Variants in STK32B observed in about 807,000 individuals in gnomAD.
The protein encoded by STK32B is serine/threonine-protein kinase 32B.
Under a neutral mutation model 52.6 loss-of-function variants are expected in STK32B, and 43 were observed. That is an observed-to-expected ratio of 0.82 (90% CI 0.64 to 1.05). The LOEUF (loss-of-function observed/expected upper bound fraction) is 1.05. Among genes scored for constraint, STK32B ranks in the 50% least tolerant of loss-of-function variants. The pLI, the probability that STK32B is intolerant of heterozygous loss-of-function variation, is 0.00. For missense variants in STK32B, 621 were observed against 534.6 expected (o/e 1.16, Z -1.59); for synonymous variants, 238 against 204.3 (o/e 1.17, Z -1.41).
At chr4:5,019,625 G>C in the STK32B span, among the ~76,000 whole-genome samples, 1 of 152,222 alleles carries the variant, frequency 6.6e-6, no homozygotes, top group Admixed American at 6.5e-5. Context: ...TCTCAGACAC[G>C]AAAGCCCCAG....
chr4:5,219,818 C>T (rs1381201905), intron 3 of STK32B, among the ~76,000 whole-genome samples: 1 of 152,214 alleles, frequency 6.6e-6, no homozygotes, highest in Non-Finnish European at 1.5e-5. Context: ...TACGTTGGCC[C>T]TCAGGATCTG....
chr4:5,405,469 G>A (rs1737594627), intron 5 of STK32B, among the ~76,000 whole-genome samples: 1 of 152,154 alleles, frequency 6.6e-6, no homozygotes, highest in African/African-American at 2.4e-5. Context: ...TAATCCCCAA[G>A]GTGATGGTGT....
chr4:5,282,482 C>T (rs1268238529), intron 3 of STK32B, among the ~76,000 whole-genome samples: 2 of 152,144 alleles, frequency 1.3e-5, no homozygotes, highest in Admixed American at 1.3e-4. Context: ...ATTATACAAT[C>T]TACTGTAATA....
At chr4:5,486,088 G>T (rs1024357811) in intron 11 of STK32B, among the ~76,000 whole-genome samples, 12 of 152,142 alleles carry the variant, frequency 7.9e-5, no homozygotes, top group African/African-American at 2.9e-4. Flanking sequence ...GCTGCGTGCT[G>T]GGAGGACCAC....
At chr4:5,191,430 T>G (rs1721193502) in intron 3 of STK32B, among the ~76,000 whole-genome samples, 1 of 152,106 alleles carries the variant, frequency 6.6e-6, no homozygotes, top group African/African-American at 2.4e-5. Flanking sequence ...TTTGTTGTAT[T>G]TTTTTAGTAG....
chr4:5,219,518 G>A (rs1230952545), intron 3 of STK32B, among the ~76,000 whole-genome samples: 1 of 152,260 alleles, frequency 6.6e-6, no homozygotes, highest in East Asian at 1.9e-4. Flanking sequence ...AAGACAGACA[G>A]CAGAGGGTCA....
the STK32B span, among the ~76,000 whole-genome samples, chr4:5,025,253 G>A: frequency 2.6e-5 from 4 of 152,174 alleles, no homozygotes; most frequent in Non-Finnish European, 4.4e-5. Context: ...ACAGTGAGAC[G>A]ACCCCCACCT....
At chr4:5,063,273 C>T (rs372405886) in intron 1 of STK32B, among the ~76,000 whole-genome samples, 31 of 152,244 alleles carry the variant, frequency 2.0e-4, no homozygotes, top group Admixed American at 7.9e-4. Flanking sequence ...GTGACTCAGT[C>T]GACAAATGTG....
rs375650337 is a variant in STK32B at position 5,285,537 on chromosome 4, G to A, written c.261-45683G>A. Reference sequence around the variant, plus strand: ...AATTATAGTACAAATTGACTGCACAGCAAAAGGAATTTTTTAGGATCCTGA... The same window carrying A: ...AATTATAGTACAAATTGACTGCACAACAAAAGGAATTTTTTAGGATCCTGA... On this transcript the variant is annotated intron_variant, in intron 3 of 11. Coordinates refer to ENST00000282908, the MANE Select transcript of STK32B (RefSeq NM_018401.3). Among the ~76,000 whole-genome samples the A allele has an allele frequency of 3.9e-5, 6 of 152,270 alleles. No individual in the cohort carries two copies. In the East Asian group the frequency reaches 5.8e-4, roughly 15 times the overall value.
intron 4 of STK32B, among the ~76,000 whole-genome samples, chr4:5,341,402 A>G (rs1485565999): frequency 2.0e-5 from 3 of 152,190 alleles, no homozygotes; most frequent in African/African-American, 7.2e-5. Flanking sequence ...TTATTCATGG[A>G]TACCCAAAAC....
At chr4:5,415,788 T>C (rs1012167594) in intron 5 of STK32B, among the ~76,000 whole-genome samples, 2 of 152,178 alleles carry the variant, frequency 1.3e-5, no homozygotes, top group African/African-American at 4.8e-5. Flanking sequence ...GCTGGTGCTT[T>C]TTTTGTCCAC....
At chr4:5,287,326 C>T (rs28539232) in intron 3 of STK32B, among the ~76,000 whole-genome samples, 11,157 of 152,138 alleles carry the variant, frequency 0.073, 440 homozygotes, top group South Asian at 0.099. Flanking sequence ...AGAGGTATCA[C>T]ATTTTCATTT....
chr4:5,028,413 A>G, the STK32B span, among the ~76,000 whole-genome samples: 1 of 152,208 alleles, frequency 6.6e-6, no homozygotes. Context: ...GCCAGGATTG[A>G]GTTTCCCTGT....
At chr4:5,147,058 C>T (rs1716968417) in intron 2 of STK32B, among the ~76,000 whole-genome samples, 2 of 151,908 alleles carry the variant, frequency 1.3e-5, no homozygotes, top group Non-Finnish European at 2.9e-5. Flanking sequence ...CTTTATTTAT[C>T]TCTATTTTTA....
In STK32B at chr4:5,343,914, G is replaced by T. The variant is rs543227449; in HGVS notation, c.434+12521G>T. On this transcript the variant is annotated intron_variant, in intron 4 of 11. Transcript: ENST00000282908. ...ATGTTATGTTAAAAATTTCTCTTAA[G>T]TTTTGCATTCTACTCCGTTATGTAG... Among the ~76,000 whole-genome samples the T allele has an allele frequency of 2.0e-5, 3 of 152,248 alleles. No homozygotes were observed. The South Asian group carries it at 6.2e-4, about 32-fold the overall frequency.
chr4:5,093,603 C>T (rs562775188), intron 1 of STK32B, among the ~76,000 whole-genome samples: 1 of 152,020 alleles, frequency 6.6e-6, no homozygotes, highest in Non-Finnish European at 1.5e-5. Flanking sequence ...AGGAGATATA[C>T]CTAATGTTAA....
At chr4:5,362,507 A>G (rs1560353091) in intron 4 of STK32B, among the ~76,000 whole-genome samples, 1 of 152,198 alleles carries the variant, frequency 6.6e-6, no homozygotes, top group Non-Finnish European at 1.5e-5. Flanking sequence ...GGCACTTTGT[A>G]CAAGAAATTA....
chr4:5,374,074 AG>A (rs1466983581), intron 4 of STK32B, among the ~76,000 whole-genome samples: 1 of 152,228 alleles, frequency 6.6e-6, no homozygotes, highest in African/African-American at 2.4e-5. Context: ...AGAGGGGAGA[AG>A]GCCATGTGAA....
intron 3 of STK32B, among the ~76,000 whole-genome samples, chr4:5,263,556 C>T (rs1202071666): frequency 6.6e-6 from 1 of 152,224 alleles, no homozygotes; most frequent in African/African-American, 2.4e-5. Context: ...TGCAAAATCA[C>T]CTGGCCTGGA....
Sources: allele counts gnomAD v4.1 joint callset (sites outside exome capture counted in the v4.1 genomes callset), GRCh38; gene constraint gnomAD v4.1.1; transcripts MANE v1.5; gene names NCBI Gene and HGNC (gene_info 2026-07-23, HGNC 2026-07-21).